Variants in XNDC1N observed in about 807,000 individuals in gnomAD.
XNDC1N encodes the protein protein XNDC1N.
chr11:71,886,734 T>C, the XNDC1N span, among the ~76,000 whole-genome samples: 5 of 152,034 alleles, frequency 3.3e-5, no homozygotes, highest in Admixed American at 6.6e-5. Flanking sequence ...GATGAATCCA[T>C]CCCAATTACT....
chr11:71,908,876 C>A, the XNDC1N span, among the ~76,000 whole-genome samples: 2 of 152,218 alleles, frequency 1.3e-5, no homozygotes, highest in East Asian at 1.9e-4. Context: ...TGCCAGGAAC[C>A]GACCCTCAGT....
At chr11:71,870,425 C>T in the XNDC1N span, among the ~76,000 whole-genome samples, 1 of 152,164 alleles carries the variant, frequency 6.6e-6, no homozygotes, top group Admixed American at 6.5e-5. Context: ...TCTCTTGTCC[C>T]TTGAGGTGAG....
the XNDC1N span, among the ~76,000 whole-genome samples, chr11:71,897,507 A>G: frequency 0.2 from 30,143 of 152,174 alleles, 5,428 homozygotes; most frequent in African/African-American, 0.47. Context: ...ATAGGGAAGC[A>G]CAAATCAAAC....
the XNDC1N span, among the ~76,000 whole-genome samples, chr11:71,909,935 T>G: frequency 6.6e-6 from 1 of 152,100 alleles, no homozygotes; most frequent in Non-Finnish European, 1.5e-5. Flanking sequence ...GAATGGAGAC[T>G]TTTCTTAACT....
the XNDC1N span, among the ~76,000 whole-genome samples, chr11:71,883,835 C>G: frequency 9.9e-5 from 15 of 152,228 alleles, no homozygotes; most frequent in African/African-American, 3.6e-4. Context: ...CCCGAATACA[C>G]TGGGAAGCTG....
chr11:71,871,187 A>G, the XNDC1N span, among the ~76,000 whole-genome samples: 1 of 152,230 alleles, frequency 6.6e-6, no homozygotes, highest in Non-Finnish European at 1.5e-5. Context: ...ACAGTAGAAT[A>G]CTATTCTACC....
At chr11:71,899,685 C>T in the XNDC1N span, among the ~76,000 whole-genome samples, 490 of 152,272 alleles carry the variant, frequency 3.2e-3, 6 homozygotes, top group African/African-American at 0.011. Flanking sequence ...TGTGGAAAGC[C>T]GCAGGGAGCC....
the XNDC1N span, among the ~76,000 whole-genome samples, chr11:71,902,338 C>A: frequency 2.4e-3 from 361 of 151,880 alleles, 2 homozygotes; most frequent in African/African-American, 8.2e-3. Context: ...ACTACAGGCG[C>A]ACGCCGCCAT....
At chr11:71,870,666 G>A in the XNDC1N span, among the ~76,000 whole-genome samples, 1 of 152,106 alleles carries the variant, frequency 6.6e-6, no homozygotes, top group Admixed American at 6.5e-5. Flanking sequence ...AATTTATAAG[G>A]ATCTCAAACA....
At chr11:71,884,872 C>A in the XNDC1N span, among the ~76,000 whole-genome samples, 2 of 150,786 alleles carry the variant, frequency 1.3e-5, no homozygotes, top group South Asian at 4.2e-4. Context: ...GGGTGAGGCA[C>A]CACCAGCGAT....
chr11:71,910,248 C>T, the XNDC1N span, among the ~76,000 whole-genome samples: 19 of 152,226 alleles, frequency 1.2e-4, no homozygotes, highest in Non-Finnish European at 2.4e-4. Context: ...ACTGACTTTA[C>T]ATCCAACAGT....
At chr11:71,896,646 C>T in the XNDC1N span, among the ~76,000 whole-genome samples, 1 of 152,246 alleles carries the variant, frequency 6.6e-6, no homozygotes, top group Non-Finnish European at 1.5e-5. Context: ...TCACCGCAAC[C>T]TCTGCCTCCT....
the XNDC1N span, chr11:71,884,525 G>A: frequency 4.4e-6 from 7 of 1,608,888 alleles, no homozygotes; most frequent in Non-Finnish European, 5.1e-6. Context: ...GCTGCAAACT[G>A]AAGATCATTC....
the XNDC1N span, among the ~76,000 whole-genome samples, chr11:71,891,373 A>G: frequency 1.4e-3 from 220 of 152,086 alleles, no homozygotes; most frequent in African/African-American, 5.0e-3. Flanking sequence ...ACCCCCTGCG[A>G]TATTGGGAGT....
the XNDC1N span, among the ~76,000 whole-genome samples, chr11:71,882,462 C>T: frequency 1.3e-5 from 2 of 152,136 alleles, no homozygotes; most frequent in East Asian, 3.8e-4. Flanking sequence ...AACCCCTGAC[C>T]CCAGGTGATC....
chr11:71,887,290 G>A, the XNDC1N span, among the ~76,000 whole-genome samples: 1 of 152,228 alleles, frequency 6.6e-6, no homozygotes, highest in Non-Finnish European at 1.5e-5. Context: ...TTGTACTGTA[G>A]GAGGATATAA....
At chr11:71,896,361 G>A in the XNDC1N span, among the ~76,000 whole-genome samples, 1 of 152,218 alleles carries the variant, frequency 6.6e-6, no homozygotes, top group Non-Finnish European at 1.5e-5. Context: ...GGGTGAGATA[G>A]GGAATGAAGA....
the XNDC1N span, among the ~76,000 whole-genome samples, chr11:71,879,113 G>A: frequency 3.9e-5 from 6 of 152,252 alleles, no homozygotes; most frequent in East Asian, 3.9e-4. Context: ...AATGAAAAGC[G>A]AATGAAGACT....
At chr11:71,908,011 G>T in the XNDC1N span, among the ~76,000 whole-genome samples, 3 of 152,208 alleles carry the variant, frequency 2.0e-5, no homozygotes, top group South Asian at 6.2e-4. Context: ...ATTTTATTCG[G>T]ATCAATGTCA....
Sources: gnomAD v4.1 joint callset for allele counts (sites outside exome capture counted in the v4.1 genomes callset) on GRCh38, gnomAD v4.1.1 for gene constraint, MANE v1.5 for transcripts, NCBI Gene and HGNC (gene_info 2026-07-23, HGNC 2026-07-21) for gene names.